PLEKHO1: variants seen among roughly 807,000 people sequenced by gnomAD.
PLEKHO1 encodes pleckstrin homology domain containing O1.
In PLEKHO1, 22 loss-of-function variants were observed where a neutral mutation model predicts 41.4. The observed-to-expected ratio is 0.53, with a 90% CI of 0.38 to 0.76. The LOEUF is 0.76. PLEKHO1 is among the 30% of genes least tolerant of loss of function. PLEKHO1 has a pLI of 0.00. For missense variants in PLEKHO1, 488 were observed against 518.3 expected (o/e 0.94, Z 0.57); for synonymous variants, 225 against 210.8 (o/e 1.07, Z -0.58).
In PLEKHO1 at chr1:150,156,921, T is replaced by A; in HGVS notation, c.329T>A (p.Leu110Gln). The change falls in exon 4 of 6, where the codon CTG (leucine) becomes CAG (glutamine). Residue 110 changes from leucine to glutamine, a missense_variant. Physicochemically the swap from Leu to Gln is moderately radical, Grantham distance 113. Around this residue, in one of 3 missense-constraint regions of PLEKHO1, gnomAD observed 59 missense variants for 111.5 expected, o/e 0.53. Transcript: ENST00000369124. ...ATCTTCCCCTCACAGGCACCCAACCTGATCTTCCTGGCAGTGAGTCCAGAA... is the reference window on the plus strand; with the variant it reads ...ATCTTCCCCTCACAGGCACCCAACCAGATCTTCCTGGCAGTGAGTCCAGAA... Reference protein sequence around the residue: ...SKQPGNTAPNLIFLAVSPEEK... With the variant: ...SKQPGNTAPNQIFLAVSPEEK... 6.2e-7 allele frequency: 1 copy of A among 1,611,368 alleles called. No individual in the cohort carries two copies. The highest frequency in any genetic ancestry group is 2.2e-5 in the East Asian group (1 of 44,866).
At chr1:150,150,382 C>T in intron 1 of PLEKHO1, 95 bp downstream of exon 1, 1 of 505,148 alleles carries the variant, frequency 2.0e-6, no homozygotes, top group African/African-American at 2.1e-5. Context: ...GACCCACGGC[C>T]CGGCCGCGCC....
chr1:150,151,345 G>A (rs1659920157), intron 2 of PLEKHO1, among the ~76,000 whole-genome samples: 1 of 152,180 alleles, frequency 6.6e-6, no homozygotes, highest in Non-Finnish European at 1.5e-5. Context: ...AGTGTCCCTT[G>A]CTGCCTCCCA....
chr1:150,157,565 A>T, intron 5 of PLEKHO1, 79 bp downstream of exon 5: 1 of 1,021,776 alleles, frequency 9.8e-7, no homozygotes, highest in Non-Finnish European at 1.5e-6. Context: ...ATGCCACCAG[A>T]GGCATTTGCG....
Position 150,159,464 on chromosome 1 carries a change from C to G in PLEKHO1, c.1171C>G (p.Pro391Ala). 1 of 1,613,912 alleles carries G rather than the reference C, an allele frequency of 6.2e-7. No individual in the cohort carries two copies. ...DLYRQMDLQT[P>A]DSHLRQTTPH... ...GTACAGACAGATGGACCTGCAGACC[C>G]CGGACTCCCACCTCAGACAGACCAC... is the stretch of plus-strand genomic sequence containing the variant. The change falls in exon 6 of 6, where the codon CCG becomes GCG. Residue 391 changes from proline (P) to alanine (A), a missense_variant. This residue lies in a region of PLEKHO1 where 337 missense variants were observed against 324.6 expected (regional missense o/e 1.04). Coordinates refer to ENST00000369124, the MANE Select transcript of PLEKHO1 (RefSeq NM_016274.6).
chr1:150,157,536 C>T (rs782771049), intron 5 of PLEKHO1, 50 bp downstream of exon 5: 3 of 1,286,298 alleles, frequency 2.3e-6, no homozygotes, highest in Non-Finnish European at 3.4e-6. Flanking sequence ...CTGTGTCAGT[C>T]CATCTCAGAC....
At position 150,151,054 on chromosome 1, in the gene PLEKHO1, A is replaced by T; in HGVS notation, c.173A>T (p.Lys58Met). 6.2e-7 allele frequency: 1 copy of T among 1,614,004 alleles called. No homozygotes were observed. Among genetic ancestry groups the T allele is most frequent in the Non-Finnish European group, 8.5e-7 (1 of 1,179,886 alleles). Residue 58 changes from lysine (K) to methionine (M), a missense_variant, in exon 2 of 6, where the codon AAG becomes ATG. This residue lies in a region of PLEKHO1 where 92 missense variants were observed against 82.3 expected (regional missense o/e 1.12). Transcript: ENST00000369124. ...LKGDQLYISE[K>M]EVKDEKNIQE... ...GGGGACCAGCTCTACATCTCTGAGA[A>T]GGAGGTGGGTGCCTCTTGCCTCTAA...
In PLEKHO1 at chr1:150,159,446, C is replaced by T. The variant is rs1553821619; in HGVS notation, c.1153C>T (p.Gln385Ter). 6.2e-7 allele frequency: 1 copy of T among 1,614,134 alleles called. No individual in the cohort carries two copies. The highest frequency in any genetic ancestry group is 2.2e-5 in the East Asian group (1 of 44,880). The change falls in exon 6 of 6, where the codon CAG becomes TAG. Residue 385 changes from glutamine to a stop codon, truncating the protein, a stop_gained. Transcript: ENST00000369124. LOFTEE classifies it high-confidence loss of function. ...EVRELRDLYRQMDLQTPDSHL... is the reference protein window; with the variant it reads ...EVRELRDLYR ...CAGGGAGCTGAGAGACCTGTACAGA[C>T]AGATGGACCTGCAGACCCCGGACTC... is the stretch of plus-strand genomic sequence containing the variant.
At position 150,158,802 on chromosome 1, in the gene PLEKHO1, C is replaced by G; in HGVS notation, c.526-17C>G. On this transcript the variant is annotated splice_polypyrimidine_tract_variant and intron_variant, in intron 5 of 5. Transcript: ENST00000369124. ...CCTGATGACAGGTTCCCCACTCATT[C>G]CCCCCTTCCTCCACAGGCTTCCACC... 2 of 1,550,088 alleles carry G rather than the reference C, an allele frequency of 1.3e-6. No homozygotes were observed. Among genetic ancestry groups the G allele is most frequent in the Non-Finnish European group, 1.8e-6 (2 of 1,132,088 alleles).
At chr1:150,153,007 G>A (rs1277122994) in intron 2 of PLEKHO1, 3 of 152,228 alleles carry the variant, frequency 2.0e-5, no homozygotes, top group South Asian at 4.1e-4. Context: ...GGAGCCAGCT[G>A]TCTCCTGCTG....
chr1:150,159,494 C>T lies in PLEKHO1; in HGVS notation c.1201C>T (p.His401Tyr), dbSNP rs1553821660. The change falls in exon 6 of 6, where the codon CAC becomes TAC. Residue 401 changes from histidine (H) to tyrosine (Y), a missense_variant. Around this residue, in one of 3 missense-constraint regions of PLEKHO1, gnomAD observed 337 missense variants for 324.6 expected, o/e 1.04. Coordinates refer to ENST00000369124, the MANE Select transcript of PLEKHO1 (RefSeq NM_016274.6). ...CTCCCACCTCAGACAGACCACCCCG[C>T]ACAGTCAGTACCGGAAGAGCCTGAT... ...PDSHLRQTTP[H>Y]SQYRKSLM The T allele has an allele frequency of 6.2e-7, 1 of 1,611,956 alleles. No individual in the cohort carries two copies. The highest frequency in any genetic ancestry group is 1.7e-5 in the Admixed American group (1 of 59,866).
intron 5 of PLEKHO1, among the ~76,000 whole-genome samples, chr1:150,158,159 A>G (rs1002494101): frequency 2.6e-5 from 4 of 152,210 alleles, no homozygotes; most frequent in Non-Finnish European, 5.9e-5. Context: ...TGTGGGACTC[A>G]GAGGATGCAG....
In PLEKHO1 at chr1:150,159,301, C is replaced by A. The variant is rs1553821503; in HGVS notation, c.1008C>A (p.Ala336=). 1.9e-6 allele frequency: 3 copies of A among 1,614,096 alleles called. No homozygotes were observed. The highest frequency in any genetic ancestry group is 2.5e-6 in the Non-Finnish European group (3 of 1,179,990). The change falls in exon 6 of 6, where the codon GCC becomes GCA. Residue 336 remains alanine (A), a synonymous_variant. Transcript: ENST00000369124. ...VQGLGDGKRK[A]KDPPRSPPDS... ...GACTGGGAGATGGGAAGCGAAAGGC[C>A]AAGGACCCCCCTCGGTCTCCGCCGG... is the stretch of plus-strand genomic sequence containing the variant.
intron 2 of PLEKHO1, chr1:150,154,843 G>A (rs1183332056): frequency 2.0e-5 from 3 of 152,334 alleles, no homozygotes; most frequent in African/African-American, 7.2e-5. Flanking sequence ...CTCAAGCCAC[G>A]GAGGGTGGAC....
chr1:150,155,932 G>A, intron 2 of PLEKHO1, 134 bp from the exon 3 acceptor site: 1 of 761,358 alleles, frequency 1.3e-6, no homozygotes, highest in Non-Finnish European at 2.2e-6. Flanking sequence ...GCTTTGGGCA[G>A]ACGGCCCTCT....
rs1660363112 is a variant in PLEKHO1 at position 150,159,830 on chromosome 1, C to G, written c.*307C>G. On this transcript the variant is annotated 3_prime_UTR_variant, in exon 6 of 6. Transcript: ENST00000369124. ...CACACCGCCCGCCCCCAAGACGGCA[C>G]AGGGAGTCCACTGCTGCTCCCAAGG... is the stretch of plus-strand genomic sequence containing the variant. The G allele has an allele frequency of 1.6e-5, 4 of 255,442 alleles. No individual in the cohort carries two copies. Among genetic ancestry groups the G allele is most frequent in the Admixed American group, 9.6e-5 (2 of 20,884 alleles). 15.8% of individuals were successfully genotyped at this position (255,442 alleles called of 1,614,324 possible). A position where few individuals can be genotyped will look rare whatever the true frequency, so the allele number is the denominator to read the frequency against.
chr1:150,159,478 C>T lies in PLEKHO1; in HGVS notation c.1185C>T (p.Leu395=). ...ACCTGCAGACCCCGGACTCCCACCTCAGACAGACCACCCCGCACAGTCAGT... is the reference window on the plus strand; with the variant it reads ...ACCTGCAGACCCCGGACTCCCACCTTAGACAGACCACCCCGCACAGTCAGT... ...QMDLQTPDSH[L]RQTTPHSQYR... The change falls in exon 6 of 6, where the codon CTC becomes CTT. Residue 395 remains leucine (L), a synonymous_variant. Coordinates refer to ENST00000369124, the MANE Select transcript of PLEKHO1 (RefSeq NM_016274.6). 6.2e-7 allele frequency: 1 copy of T among 1,613,674 alleles called. No individual in the cohort carries two copies. The highest frequency in any genetic ancestry group is 1.7e-4 in the Middle Eastern group (1 of 6,060).
chr1:150,150,916 C>T lies in PLEKHO1; in HGVS notation c.35C>T (p.Pro12Leu). ...TCTCATCTTGTCCTGGGGCAGGGAC[C>T]TCAGGATGGAAACCAGCAGCCTGCA... The part of the protein sequence containing the change: ...MKKNNSAKRG[P>L]QDGNQQPAPP... The change falls in exon 2 of 6, where the codon CCT becomes CTT. Residue 12 changes from proline to leucine, a missense_variant. By Grantham distance (98) the Pro-to-Leu change is moderately conservative. Coordinates refer to ENST00000369124, the MANE Select transcript of PLEKHO1 (RefSeq NM_016274.6). 1.2e-6 allele frequency: 2 copies of T among 1,613,888 alleles called. No individual in the cohort carries two copies. Among genetic ancestry groups the T allele is most frequent in the Non-Finnish European group, 1.7e-6 (2 of 1,179,758 alleles).
At chr1:150,157,261 C>G in intron 4 of PLEKHO1, 124 bp from the exon 5 acceptor site, 1 of 796,440 alleles carries the variant, frequency 1.3e-6, no homozygotes, top group Non-Finnish European at 2.2e-6. Flanking sequence ...CCCTTCGTGT[C>G]CAGTAAATCC....
At chr1:150,157,672 A>G (rs1660232125) in intron 5 of PLEKHO1, among the ~76,000 whole-genome samples, 186 bp downstream of exon 5, 1 of 152,224 alleles carries the variant, frequency 6.6e-6, no homozygotes, top group Non-Finnish European at 1.5e-5. Context: ...AGCGCCCATT[A>G]GGAGTTCAAA....
Sources: allele counts gnomAD v4.1 joint callset (sites outside exome capture counted in the v4.1 genomes callset), GRCh38; gene constraint gnomAD v4.1.1; regional missense constraint gnomAD v4.1.1; transcripts MANE v1.5; gene names NCBI Gene and HGNC (gene_info 2026-07-23, HGNC 2026-07-21).